The following GNB4 variants were observed in gnomAD, a reference collection of about 807,000 sequenced individuals.
GNB4 encodes the protein G protein subunit beta 4.
GNB4 carries 28 observed loss-of-function variants against 45.2 expected under a neutral mutation model. The observed-to-expected ratio is 0.62, with a 90% CI of 0.46 to 0.85. GNB4 has a LOEUF of 0.85. Ranked by LOEUF, GNB4 falls within the 40% of genes least tolerant of loss-of-function variation. The pLI, the probability that GNB4 is intolerant of heterozygous loss-of-function variation, is 0.00. For synonymous variants in GNB4, 132 were observed against 143.7 expected, an observed-to-expected ratio of 0.92 and a Z score of 0.58; for missense variants, 321 against 425.4, an observed-to-expected ratio of 0.75 and a Z score of 2.16.
At chr3:179,504,260 T>G in the GNB4 span, among the ~76,000 whole-genome samples, 2 of 152,024 alleles carry the variant, frequency 1.3e-5, no homozygotes, top group Non-Finnish European at 2.9e-5. Context: ...TTCTCCCATC[T>G]CTCCCACAGG....
chr3:179,419,164 CAAAGA>C (rs1196252273), intron 4 of GNB4, among the ~76,000 whole-genome samples: 2 of 152,172 alleles, frequency 1.3e-5, no homozygotes, highest in Non-Finnish European at 2.9e-5. Flanking sequence ...TGTTCCACTG[CAAAGA>C]AAAGGAATCC....
chr3:179,459,308 G>A, the GNB4 span, among the ~76,000 whole-genome samples: 1 of 152,180 alleles, frequency 6.6e-6, no homozygotes, highest in African/African-American at 2.4e-5. Context: ...CAATCAAACA[G>A]CTGGTAAATG....
chr3:179,402,969 T>C (rs1257232467), intron 9 of GNB4, among the ~76,000 whole-genome samples: 1 of 152,224 alleles, frequency 6.6e-6, no homozygotes, highest in African/African-American at 2.4e-5. Context: ...ACAGATGCGA[T>C]TGATAAAACT....
chr3:179,523,486 C>T, the GNB4 span, among the ~76,000 whole-genome samples: 4 of 152,176 alleles, frequency 2.6e-5, no homozygotes, highest in Non-Finnish European at 2.9e-5. Flanking sequence ...TTTGGCACCA[C>T]GGGGTGGATA....
the GNB4 span, among the ~76,000 whole-genome samples, chr3:179,489,399 A>G: frequency 6.6e-6 from 1 of 151,906 alleles, no homozygotes; most frequent in East Asian, 1.9e-4. Flanking sequence ...ATTTTGGGAG[A>G]CTGAGGAGGA....
At chr3:179,458,183 G>A in the GNB4 span, among the ~76,000 whole-genome samples, 3 of 152,184 alleles carry the variant, frequency 2.0e-5, no homozygotes, top group African/African-American at 4.8e-5. Context: ...GATTACAGGC[G>A]TGAGCCACCG....
chr3:179,479,173 T>C, the GNB4 span, among the ~76,000 whole-genome samples: 2 of 152,220 alleles, frequency 1.3e-5, no homozygotes, highest in African/African-American at 2.4e-5. Flanking sequence ...TTGCCTATAC[T>C]AGTCATCTTA....
chr3:179,463,588 A>G, the GNB4 span, among the ~76,000 whole-genome samples: 29 of 152,222 alleles, frequency 1.9e-4, no homozygotes, highest in African/African-American at 5.5e-4. Flanking sequence ...GATCTTGCCC[A>G]AGAGCACTAA....
the GNB4 span, among the ~76,000 whole-genome samples, chr3:179,489,632 C>A: frequency 6.6e-6 from 1 of 152,040 alleles, no homozygotes; most frequent in African/African-American, 2.4e-5. Context: ...CAAAGTGAGA[C>A]CCTATCTCTA....
At chr3:179,483,580 G>A in the GNB4 span, among the ~76,000 whole-genome samples, 1 of 152,004 alleles carries the variant, frequency 6.6e-6, no homozygotes, top group African/African-American at 2.4e-5. Context: ...TCAATTCAGT[G>A]GGGGACTATA....
intron 4 of GNB4, 148 bp downstream of exon 4, chr3:179,419,251 T>C (rs1385881179): frequency 7.7e-6 from 5 of 646,466 alleles, no homozygotes; most frequent in South Asian, 1.8e-5. Flanking sequence ...AATATTCTTA[T>C]TGAAAGCAGC....
chr3:179,413,847 T>C (rs1032058549), intron 6 of GNB4, 66 bp from the exon 7 acceptor site: 28 of 1,107,724 alleles, frequency 2.5e-5, no homozygotes, highest in South Asian at 3.9e-5. Context: ...CCATGTGAAA[T>C]AGCAATATAT....
the GNB4 span, among the ~76,000 whole-genome samples, chr3:179,525,914 C>A: frequency 0.28 from 42,898 of 152,180 alleles, 7,606 homozygotes; most frequent in East Asian, 0.48. Flanking sequence ...GGACAGGGGA[C>A]CGGTCTCCCG....
the GNB4 span, among the ~76,000 whole-genome samples, chr3:179,525,112 T>C: frequency 6.6e-6 from 1 of 151,942 alleles, no homozygotes; most frequent in Non-Finnish European, 1.5e-5. Flanking sequence ...GGATATCGGG[T>C]GAGTCGCATT....
At chr3:179,526,384 A>G in the GNB4 span, among the ~76,000 whole-genome samples, 5 of 152,354 alleles carry the variant, frequency 3.3e-5, no homozygotes, top group African/African-American at 1.2e-4. Context: ...CATTTGCCCC[A>G]GATTGTATAG....
chr3:179,475,286 T>A, the GNB4 span, among the ~76,000 whole-genome samples: 1 of 150,870 alleles, frequency 6.6e-6, no homozygotes, highest in African/African-American at 2.4e-5. Context: ...CCTGGCTAAT[T>A]TTTTGTATTT....
chr3:179,457,305 T>G, the GNB4 span, among the ~76,000 whole-genome samples: 1 of 152,326 alleles, frequency 6.6e-6, no homozygotes, highest in South Asian at 2.1e-4. Flanking sequence ...GAAAGTCAAG[T>G]GAAATTGTTA....
At chr3:179,472,938 C>T in the GNB4 span, among the ~76,000 whole-genome samples, 1 of 152,104 alleles carries the variant, frequency 6.6e-6, no homozygotes, top group East Asian at 1.9e-4. Context: ...CCAAGGCGGG[C>T]AGATCACGAG....
At chr3:179,416,092 A>T (rs1295037500) in intron 5 of GNB4, among the ~76,000 whole-genome samples, 1 of 152,194 alleles carries the variant, frequency 6.6e-6, no homozygotes, top group African/African-American at 2.4e-5. Flanking sequence ...GTATCTTCTA[A>T]AAAGTCCAGA....
Sources: allele counts gnomAD v4.1 joint callset (sites outside exome capture counted in the v4.1 genomes callset), GRCh38; gene constraint gnomAD v4.1.1; transcripts MANE v1.5; gene names NCBI Gene and HGNC (gene_info 2026-07-23, HGNC 2026-07-21).